The following TSGA10 variants were observed in gnomAD, a reference collection of about 807,000 sequenced individuals.
TSGA10 encodes testis-specific gene 10 protein.
A neutral mutation model predicts 96.6 loss-of-function variants in TSGA10; 43 were observed. The ratio of observed to expected loss-of-function variants is 0.44; its 90% confidence interval spans 0.35 to 0.57. The LOEUF (loss-of-function observed/expected upper bound fraction) is 0.57, where lower values mean the gene tolerates loss of function less well. Ranked by LOEUF, TSGA10 falls within the 20% of genes least tolerant of loss-of-function variation. The pLI is 0.01. For synonymous variants in TSGA10, 229 were observed against 269.9 expected (o/e 0.85, Z 1.48); for missense variants, 703 against 834.4 (o/e 0.84, Z 1.94).
chr2:99,092,579 G>GA (rs1473718442), intron 10 of TSGA10, among the ~76,000 whole-genome samples: 2 of 152,084 alleles, frequency 1.3e-5, no homozygotes, highest in African/African-American at 4.8e-5. Context: ...AATTAGAAAT[G>GA]AAATGGGAGA....
intron 12 of TSGA10, among the ~76,000 whole-genome samples, chr2:99,074,269 C>T (rs1355950281): frequency 6.6e-6 from 1 of 151,940 alleles, no homozygotes; most frequent in Admixed American, 6.6e-5. Context: ...CCACCTCGGC[C>T]TCCCAAAGTG....
intron 6 of TSGA10, 96 bp from the exon 7 acceptor site, chr2:99,109,087 A>G: frequency 1.1e-6 from 1 of 936,462 alleles, no homozygotes; most frequent in Non-Finnish European, 1.5e-6. Context: ...TTAAGAAAAT[A>G]AGACTATATA....
intron 20 of TSGA10, among the ~76,000 whole-genome samples, chr2:99,012,568 T>TA (rs926770138): frequency 9.3e-5 from 14 of 150,782 alleles, no homozygotes; most frequent in Admixed American, 4.0e-4. Flanking sequence ...GCAACATCAG[T>TA]AAAAAAAAGA....
chr2:99,121,857 C>G (rs1465681338), intron 2 of TSGA10, among the ~76,000 whole-genome samples: 1 of 152,180 alleles, frequency 6.6e-6, no homozygotes, highest in Non-Finnish European at 1.5e-5. Context: ...TCCATCCAAG[C>G]CTAACTTCCT....
intron 10 of TSGA10, among the ~76,000 whole-genome samples, 168 bp downstream of exon 10, chr2:99,103,799 T>C (rs1468120864): frequency 2.0e-5 from 3 of 152,206 alleles, no homozygotes; most frequent in Admixed American, 6.5e-5. Context: ...CAGCCTGTGA[T>C]TGAGCTCAGG....
At position 99,062,185 on chromosome 2, in the gene TSGA10, A is replaced by C. The variant is rs189475747; in HGVS notation, c.1404+2754T>G. ...CTTGACTGACACTATTAACAAGCCT[A>C]ATCTGTAAATATATATAACATACAT... On this transcript the variant is annotated intron_variant, in intron 16 of 20. Coordinates refer to ENST00000393483, the MANE Select transcript of TSGA10 (RefSeq NM_025244.4). 5.8e-3 allele frequency among the ~76,000 whole-genome samples: 876 copies of C among 152,332 alleles called. 1 individual carries two copies. Among genetic ancestry groups the C allele is most frequent in the Non-Finnish European group, 9.4e-3 (640 of 68,022 alleles).
intron 17 of TSGA10, among the ~76,000 whole-genome samples, chr2:99,034,017 C>T (rs1272556442): frequency 6.6e-6 from 1 of 152,142 alleles, no homozygotes; most frequent in Non-Finnish European, 1.5e-5. Context: ...ACTTCCCAAT[C>T]ACAAAAGACC....
intron 20 of TSGA10, among the ~76,000 whole-genome samples, chr2:99,017,823 G>A (rs1332797078): frequency 2.6e-5 from 4 of 151,790 alleles, no homozygotes; most frequent in African/African-American, 4.8e-5. Context: ...GGAAGGATGG[G>A]AGAAGAGTGA....
chr2:99,101,949 C>CTA, intron 10 of TSGA10: 1 of 741,282 alleles, frequency 1.3e-6, no homozygotes, highest in Non-Finnish European at 2.3e-6. Flanking sequence ...ACGAAAAACT[C>CTA]TAGAGATCTG....
Position 99,053,847 on chromosome 2 carries a change from C to T in TSGA10, c.1404+11092G>A, listed in dbSNP as rs144398874. ...AAGAAAAAAGATGCTATATGTTCAC[C>T]GAAAACTATAAAACACTGATGAAAG... On this transcript the variant is annotated intron_variant, in intron 16 of 20. Transcript: ENST00000393483. Among the ~76,000 whole-genome samples the T allele has an allele frequency of 2.2e-3, 341 of 151,764 alleles. 7 individuals are homozygous for T. The East Asian group carries it at 0.032, about 14-fold the overall frequency.
chr2:99,041,507 G>C (rs1558814166), intron 16 of TSGA10, among the ~76,000 whole-genome samples: 1 of 152,158 alleles, frequency 6.6e-6, no homozygotes, highest in African/African-American at 2.4e-5. Flanking sequence ...GAACAGAATA[G>C]AGAACACAGA....
chr2:99,154,890 G>GGCGCGATCCCT lies in TSGA10; in HGVS notation c.-829_-819dup. 2.5e-6 allele frequency: 1 copy of GGCGCGATCCCT among 405,248 alleles called. No homozygotes were observed. Among genetic ancestry groups the GGCGCGATCCCT allele is most frequent in the Non-Finnish European group, 5.0e-6 (1 of 200,930 alleles). 25.1% of individuals were successfully genotyped at this position (405,248 alleles called of 1,614,324 possible). On this transcript the variant is annotated 5_prime_UTR_variant, in exon 1 of 21. Coordinates refer to ENST00000393483, the MANE Select transcript of TSGA10 (RefSeq NM_025244.4). ...CACGGCTCCGCAGGCGGAGAGACTA[G>GGCGCGATCCCT]GCGCGATCCCTGCGCGCCCCTCCTT...
chr2:99,027,488 TTAATAA>T (rs1016453176), intron 17 of TSGA10, among the ~76,000 whole-genome samples: 17 of 152,296 alleles, frequency 1.1e-4, no homozygotes, highest in African/African-American at 3.8e-4. Flanking sequence ...GTGACCACAG[TTAATAA>T]TAATCTACTG....
At position 99,117,776 on chromosome 2, in the gene TSGA10, A is replaced by T; in HGVS notation, c.-355-17T>A. ...ATCTTCAATCTGTTATTATCAGAAA[A>T]AAAATCACATTAAAATAATTCCTTA... On this transcript the variant is annotated splice_polypyrimidine_tract_variant and intron_variant, in intron 3 of 20. Transcript: ENST00000393483. The T allele has an allele frequency of 1.0e-6, 1 of 975,604 alleles. No individual in the cohort carries two copies. 60.4% of individuals were successfully genotyped at this position (975,604 alleles called of 1,614,324 possible). A position where few individuals can be genotyped will look rare whatever the true frequency, so the allele number is the denominator to read the frequency against.
chr2:99,042,373 C>A (rs148754762), intron 16 of TSGA10, among the ~76,000 whole-genome samples: 1 of 152,086 alleles, frequency 6.6e-6, no homozygotes. Flanking sequence ...GGGAAGAAAG[C>A]GCTGTAGACG....
At chr2:99,100,661 A>C (rs2090588354) in intron 10 of TSGA10, among the ~76,000 whole-genome samples, 2 of 151,760 alleles carry the variant, frequency 1.3e-5, no homozygotes, top group Admixed American at 1.3e-4. Flanking sequence ...TCTACTAAAA[A>C]TACAAAAAAT....
intron 1 of TSGA10, among the ~76,000 whole-genome samples, chr2:99,145,930 G>A (rs1009514664): frequency 6.6e-6 from 1 of 151,900 alleles, no homozygotes; most frequent in African/African-American, 2.4e-5. Flanking sequence ...ACAGGCATTC[G>A]AGACCAGCCT....
chr2:99,119,434 G>A (rs911250581), intron 2 of TSGA10, among the ~76,000 whole-genome samples: 2 of 151,940 alleles, frequency 1.3e-5, no homozygotes, highest in Non-Finnish European at 2.9e-5. Context: ...GATCCAACTC[G>A]ACTTAGCTGT....
intron 10 of TSGA10, among the ~76,000 whole-genome samples, chr2:99,087,735 T>G (rs796557886): frequency 2.6e-5 from 4 of 151,834 alleles, no homozygotes; most frequent in African/African-American, 9.7e-5. Flanking sequence ...ACAAAGCAAT[T>G]ACAAGCAAAA....
Sources: allele counts gnomAD v4.1 joint callset (sites outside exome capture counted in the v4.1 genomes callset), GRCh38; gene constraint gnomAD v4.1.1; transcripts MANE v1.5; gene names NCBI Gene and HGNC (gene_info 2026-07-23, HGNC 2026-07-21).